CACNA1C: variants seen among roughly 807,000 people sequenced by gnomAD.
CACNA1C encodes the protein calcium voltage-gated channel subunit alpha1 C.
A neutral mutation model predicts 229.0 loss-of-function variants in CACNA1C; 30 were observed. The ratio of observed to expected loss-of-function variants is 0.13; its 90% confidence interval spans 0.10 to 0.18. The LOEUF is 0.18. Ranked by LOEUF, CACNA1C falls within the 10% of genes least tolerant of loss-of-function variation. CACNA1C has a pLI of 1.00. For missense variants in CACNA1C, 1,658 were observed against 2,845.0 expected, an observed-to-expected ratio of 0.58 and a Z score of 9.49; for synonymous variants, 1,114 against 1,132.5, an observed-to-expected ratio of 0.98 and a Z score of 0.33.
At chr12:2,244,286 G>T (rs954202309) in intron 3 of CACNA1C, among the ~76,000 whole-genome samples, 27 of 152,338 alleles carry the variant, frequency 1.8e-4, no homozygotes, top group African/African-American at 6.5e-4. Flanking sequence ...GCTGCCTGCT[G>T]TGCTCATTAC....
intron 22 of CACNA1C, among the ~76,000 whole-genome samples, chr12:2,604,785 C>T (rs1187697064): frequency 6.6e-6 from 1 of 152,200 alleles, no homozygotes; most frequent in Non-Finnish European, 1.5e-5. Flanking sequence ...CTTTCTGTGA[C>T]ACTGTGAATG....
intron 34 of CACNA1C, among the ~76,000 whole-genome samples, chr12:2,661,742 C>T (rs754688317): frequency 6.6e-6 from 1 of 152,152 alleles, no homozygotes; most frequent in East Asian, 1.9e-4. Flanking sequence ...TGTTTGCAGA[C>T]AACAGGCTAA....
chr12:2,504,709 T>G lies in CACNA1C; in HGVS notation c.1114-133T>G. On this transcript the variant is annotated intron_variant, in intron 7 of 46. Coordinates refer to ENST00000399655, the MANE Select transcript of CACNA1C (RefSeq NM_000719.7). This position sits in a 1 kb window ranked among gnomAD's most constrained non-coding sequence, Gnocchi z 6.8. ...TGACCCATTGGCCAGGCAGGCTGTT[T>G]GGCCTCTGATTTGCACCTAGAGGGT... 1.3e-6 allele frequency: 1 copy of G among 745,066 alleles called. No homozygotes were observed. Among genetic ancestry groups the G allele is most frequent in the Admixed American group, 2.3e-5 (1 of 44,326 alleles). The allele number at this position is 745,066 out of a possible 1,614,324, so 46.2% of individuals were successfully genotyped here.
intron 3 of CACNA1C, among the ~76,000 whole-genome samples, chr12:2,178,540 G>A (rs575986384): frequency 2.0e-5 from 3 of 152,278 alleles, no homozygotes; most frequent in South Asian, 2.1e-4. Flanking sequence ...AGAGCTGGTC[G>A]CTAAGACCTG....
intron 1 of CACNA1C, among the ~76,000 whole-genome samples, chr12:1,972,144 A>T (rs1291811303): frequency 6.6e-6 from 1 of 152,252 alleles, no homozygotes; most frequent in African/African-American, 2.4e-5. Flanking sequence ...TTACTTGGAA[A>T]GCCACGGAAA....
Position 2,653,274 on chromosome 12 carries a change from C to T in CACNA1C, c.4075-561C>T, listed in dbSNP as rs2095207224. On this transcript the variant is annotated intron_variant, in intron 32 of 46. Coordinates refer to ENST00000399655, the MANE Select transcript of CACNA1C (RefSeq NM_000719.7). The surrounding 1 kb of genome is among the most constrained non-coding windows in gnomAD (Gnocchi z 4.7). ...TGTTTCCATTTTTCTGATGAGGAGA[C>T]TGAAGTTCAGAGAAGTTAAGTGCCC... 6.6e-6 allele frequency among the ~76,000 whole-genome samples: 1 copy of T among 152,190 alleles called. No homozygotes were observed. Among genetic ancestry groups the T allele is most frequent in the South Asian group, 2.1e-4 (1 of 4,824 alleles).
At chr12:2,572,452 T>TCC (rs2055713452) in intron 13 of CACNA1C, among the ~76,000 whole-genome samples, 1 of 8,790 alleles carries the variant, frequency 1.1e-4, no homozygotes, top group Non-Finnish European at 2.1e-4. Flanking sequence ...CCTTCTCCTC[T>TCC]TCCTCCTCCT....
intron 13 of CACNA1C, among the ~76,000 whole-genome samples, chr12:2,572,111 A>C (rs974755110): frequency 2.0e-5 from 3 of 149,928 alleles, no homozygotes; most frequent in Admixed American, 2.0e-4. Context: ...TGAACCCATG[A>C]AGGAGTTCAT....
intron 13 of CACNA1C, 137 bp from the exon 14 acceptor site, chr12:2,581,453 G>A (rs1030295244): frequency 2.9e-5 from 21 of 716,266 alleles, no homozygotes; most frequent in Middle Eastern, 5.3e-4. Context: ...CCACCAACAC[G>A]CATCCCCCAC....
intron 3 of CACNA1C, among the ~76,000 whole-genome samples, chr12:2,155,503 CT>C (rs1199660229): frequency 6.6e-6 from 1 of 152,084 alleles, no homozygotes; most frequent in Non-Finnish European, 1.5e-5. Context: ...ATTCTTTGGC[CT>C]TTGTGGAACT....
At chr12:2,607,351 A>G in intron 26 of CACNA1C, 1 of 511,920 alleles carries the variant, frequency 2.0e-6, no homozygotes, top group Non-Finnish European at 3.4e-6. Flanking sequence ...ACTCCCACCA[A>G]AAGTGACCTT....
intron 9 of CACNA1C, among the ~76,000 whole-genome samples, chr12:2,526,666 C>T (rs1039174767): frequency 8.5e-5 from 13 of 152,328 alleles, no homozygotes; most frequent in South Asian, 6.2e-4. Flanking sequence ...GGGCAAGAAA[C>T]GTGTTTGCAC....
intron 1 of CACNA1C, among the ~76,000 whole-genome samples, chr12:2,066,467 G>A (rs1301006530): frequency 3.3e-5 from 5 of 152,108 alleles, no homozygotes; most frequent in East Asian, 1.9e-4. Flanking sequence ...CCAGGAGGCC[G>A]TCATTGCTGA....
chr12:2,371,452 G>A (rs1389774304), intron 3 of CACNA1C, among the ~76,000 whole-genome samples: 1 of 151,830 alleles, frequency 6.6e-6, no homozygotes, highest in Non-Finnish European at 1.5e-5. Context: ...TACAACACAA[G>A]CACCTGAGGA....
intron 4 of CACNA1C, among the ~76,000 whole-genome samples, chr12:2,452,506 C>T (rs1044784136): frequency 5.9e-5 from 9 of 152,156 alleles, no homozygotes; most frequent in African/African-American, 1.7e-4. Flanking sequence ...GCTCCACTGC[C>T]GGACTACAGA....
At chr12:2,516,950 A>G (rs2099798129) in intron 9 of CACNA1C, among the ~76,000 whole-genome samples, 1 of 152,126 alleles carries the variant, frequency 6.6e-6, no homozygotes, top group South Asian at 2.1e-4. Context: ...ATGCTGTCCA[A>G]GAACTGAGTC....
In CACNA1C at chr12:2,651,459, C is replaced by A. The variant is rs1252070391; in HGVS notation, c.3946-181C>A. ...GTCTAGCTCTGCAGAGACCATGGGGCTGGGCTGTCCACTCATTAAAGTGGG... is the reference window on the plus strand; with the variant it reads ...GTCTAGCTCTGCAGAGACCATGGGGATGGGCTGTCCACTCATTAAAGTGGG... On this transcript the variant is annotated intron_variant, in intron 31 of 46. Coordinates refer to ENST00000399655, the MANE Select transcript of CACNA1C (RefSeq NM_000719.7). This position sits in a 1 kb window ranked among gnomAD's most constrained non-coding sequence, Gnocchi z 5.4. 3 of 768,176 alleles carry A rather than the reference C, an allele frequency of 3.9e-6. No homozygotes were observed. Among genetic ancestry groups the A allele is most frequent in the South Asian group, 3.3e-5 (2 of 60,866 alleles). 47.6% of individuals were successfully genotyped at this position (768,176 alleles called of 1,614,324 possible).
chr12:2,091,029 A>G (rs986566332), intron 1 of CACNA1C, among the ~76,000 whole-genome samples: 1 of 152,182 alleles, frequency 6.6e-6, no homozygotes, highest in Non-Finnish European at 1.5e-5. Flanking sequence ...AGAAATAGCT[A>G]TTCAAGTCTT....
In CACNA1C at chr12:2,559,694, C is replaced by G. The variant is rs1359354250; in HGVS notation, c.1508+2717C>G. Among the ~76,000 whole-genome samples the G allele has an allele frequency of 3.9e-5, 6 of 152,158 alleles. No homozygotes were observed. In the East Asian group the frequency reaches 1.2e-3, roughly 29 times the overall value. On this transcript the variant is annotated intron_variant, in intron 11 of 46. Transcript: ENST00000399655. Reference sequence around the variant, plus strand: ...TCACAGGGCTCTAGTATGGCTGAGTCAGAGCTCATACCCAGGGGCTCTGCT... The same window carrying G: ...TCACAGGGCTCTAGTATGGCTGAGTGAGAGCTCATACCCAGGGGCTCTGCT...
Sources: allele counts gnomAD v4.1 joint callset (sites outside exome capture counted in the v4.1 genomes callset), GRCh38; gene constraint gnomAD v4.1.1; non-coding constraint Gnocchi (gnomAD v3.1); transcripts MANE v1.5; gene names NCBI Gene and HGNC (gene_info 2026-07-23, HGNC 2026-07-21).